Variants in NLGN4X observed in about 807,000 individuals in gnomAD.
The protein encoded by NLGN4X is neuroligin-4, X-linked.
Under a neutral mutation model 40.3 loss-of-function variants are expected in NLGN4X, and 3 were observed. That is an observed-to-expected ratio of 0.07 (90% CI 0.03 to 0.19). The LOEUF is 0.19. Ranked by LOEUF, NLGN4X falls within the 10% of genes least tolerant of loss-of-function variation. NLGN4X has a pLI of 1.00. For synonymous variants in NLGN4X, 270 were observed against 306.8 expected (o/e 0.88, Z 1.25); for missense variants, 382 against 708.3 (o/e 0.54, Z 5.23).
chrX:5,928,167 G>A (rs1272131587), intron 3 of NLGN4X, among the ~76,000 whole-genome samples: 2 of 112,308 alleles, frequency 1.8e-5, no homozygotes, highest in Admixed American at 1.9e-4. Flanking sequence ...CAATTAAAAT[G>A]TATTTTACGC....
At chrX:6,009,692 G>C (rs2036197531) in intron 3 of NLGN4X, among the ~76,000 whole-genome samples, 1 of 112,223 alleles carries the variant, frequency 8.9e-6, no homozygotes, top group Admixed American at 9.4e-5. Context: ...TCATAGATTT[G>C]ACTGGAAATT....
At chrX:5,921,643 G>A (rs2033071108) in intron 3 of NLGN4X, among the ~76,000 whole-genome samples, 1 of 111,457 alleles carries the variant, frequency 9.0e-6, no homozygotes, top group Admixed American at 9.6e-5. Flanking sequence ...AAAACCTTGA[G>A]TTGTCTGTAA....
intron 2 of NLGN4X, among the ~76,000 whole-genome samples, chrX:6,148,975 C>T (rs961605773): frequency 8.9e-6 from 1 of 111,835 alleles, no homozygotes; most frequent in Non-Finnish European, 1.9e-5. Flanking sequence ...GTGGGGAGAT[C>T]GATTCTACCT....
rs1486965381 is a variant in NLGN4X at position 5,990,130 on chromosome X, C to T, written c.625+39150G>A. 3.7e-5 allele frequency among the ~76,000 whole-genome samples: 4 copies of T among 107,755 alleles called. No homozygotes were observed. In the East Asian group the frequency reaches 8.7e-4, roughly 23 times the overall value. 93.6% of individuals were successfully genotyped at this position (107,755 alleles called of 115,157 possible). On this transcript the variant is annotated intron_variant, in intron 3 of 5. Transcript: ENST00000381095. Reference sequence around the variant, plus strand: ...TCTCTCTCTCTGCTATATCTAAATCCACCCAAACAACAAGCGGCGAAGACA... The same window carrying T: ...TCTCTCTCTCTGCTATATCTAAATCTACCCAAACAACAAGCGGCGAAGACA...
intron 3 of NLGN4X, among the ~76,000 whole-genome samples, chrX:5,913,320 A>G (rs1393743690): frequency 9.0e-6 from 1 of 111,463 alleles, no homozygotes; most frequent in Non-Finnish European, 1.9e-5. Context: ...TAGCTCATCA[A>G]CTTGGAAAGA....
At chrX:5,895,724 C>T (rs2031450840) in intron 5 of NLGN4X, among the ~76,000 whole-genome samples, 1 of 111,186 alleles carries the variant, frequency 9.0e-6, no homozygotes, top group Non-Finnish European at 1.9e-5. Flanking sequence ...TGTGTTTTCA[C>T]TTTACTAATA....
chrX:6,202,890 G>A (rs1478720084), intron 1 of NLGN4X, among the ~76,000 whole-genome samples: 1 of 111,652 alleles, frequency 9.0e-6, no homozygotes, highest in African/African-American at 3.3e-5. Context: ...TGCAACCTTG[G>A]ATGGTTATTC....
chrX:6,123,270 G>C (rs2039464859), intron 2 of NLGN4X, among the ~76,000 whole-genome samples: 1 of 111,734 alleles, frequency 8.9e-6, no homozygotes, highest in African/African-American at 3.2e-5. Flanking sequence ...ATGAAAACCA[G>C]GCTAATTGCA....
chrX:5,988,169 A>G (rs1352725069), intron 3 of NLGN4X, among the ~76,000 whole-genome samples: 1 of 112,248 alleles, frequency 8.9e-6, no homozygotes, highest in Non-Finnish European at 1.9e-5. Flanking sequence ...CAGTAGCAGC[A>G]GCTGATGAAT....
At chrX:5,954,661 TC>T in intron 3 of NLGN4X, among the ~76,000 whole-genome samples, 1 of 109,020 alleles carries the variant, frequency 9.2e-6, no homozygotes, top group Non-Finnish European at 1.9e-5. Context: ...TCTCTCTCTC[TC>T]TCTGTCTCTC....
chrX:6,181,914 G>A (rs1921495197), intron 1 of NLGN4X, among the ~76,000 whole-genome samples: 1 of 111,820 alleles, frequency 8.9e-6, no homozygotes, highest in Admixed American at 9.5e-5. Context: ...AGGAAAGAGG[G>A]TTATCATGGG....
At chrX:6,185,960 T>A (rs1921974800) in intron 1 of NLGN4X, among the ~76,000 whole-genome samples, 1 of 112,289 alleles carries the variant, frequency 8.9e-6, no homozygotes, top group Non-Finnish European at 1.9e-5. Flanking sequence ...CAGGCCCCAC[T>A]CATCCATACA....
intron 2 of NLGN4X, chrX:6,032,766 G>T: frequency 9.1e-7 from 1 of 1,098,959 alleles, no homozygotes. Context: ...GTCATATTGA[G>T]AAGGAAAATA....
At chrX:6,137,510 G>A (rs2039847344) in intron 2 of NLGN4X, among the ~76,000 whole-genome samples, 1 of 111,635 alleles carries the variant, frequency 9.0e-6, no homozygotes, top group South Asian at 3.8e-4. Context: ...CTATGACGTG[G>A]CCTGTCAAAG....
rs780407397 is a variant in NLGN4X at position 6,029,404 on chromosome X, G to A, written c.501C>T (p.Pro167=). 13 of 1,208,702 alleles carry A rather than the reference G, an allele frequency of 1.1e-5. No individual in the cohort carries two copies. The African/African-American group carries it at 1.2e-4, about 11-fold the overall frequency. ...ATCCCCCATGGATATAGACCATGACGGGCTTCTTACTGTTCTGATCATGAA... is the reference window on the plus strand; with the variant it reads ...ATCCCCCATGGATATAGACCATGACAGGCTTCTTACTGTTCTGATCATGAA... ...DDIHDQNSKK[P]VMVYIHGGSY... The change falls in exon 3 of 6, where the codon CCC becomes CCT. Residue 167 remains proline (P), a synonymous_variant. Coordinates refer to ENST00000381095, the MANE Select transcript of NLGN4X (RefSeq NM_181332.3).
At chrX:5,919,909 T>G (rs1241797172) in intron 3 of NLGN4X, among the ~76,000 whole-genome samples, 1 of 112,073 alleles carries the variant, frequency 8.9e-6, no homozygotes, top group East Asian at 2.8e-4. Flanking sequence ...GCTATATTAG[T>G]TGTAAATGTT....
intron 2 of NLGN4X, among the ~76,000 whole-genome samples, chrX:6,150,682 A>G (rs1475760426): frequency 8.9e-6 from 1 of 112,120 alleles, no homozygotes. Context: ...TGATTCAGGT[A>G]TAACATGCAA....
chrX:5,945,493 G>A (rs2034092438), intron 3 of NLGN4X, among the ~76,000 whole-genome samples: 1 of 112,016 alleles, frequency 8.9e-6, no homozygotes, highest in South Asian at 3.7e-4. Flanking sequence ...GATCACATTT[G>A]GAAGCGAACT....
chrX:6,125,847 T>C (rs1172173884), intron 2 of NLGN4X, among the ~76,000 whole-genome samples: 1 of 111,434 alleles, frequency 9.0e-6, no homozygotes, highest in Non-Finnish European at 1.9e-5. Flanking sequence ...GTGTATAACA[T>C]CAGAAAATTA....
Sources: allele counts gnomAD v4.1 joint callset (sites outside exome capture counted in the v4.1 genomes callset), GRCh38; gene constraint gnomAD v4.1.1; transcripts MANE v1.5; gene names NCBI Gene and HGNC (gene_info 2026-07-23, HGNC 2026-07-21).